MDM4: variants seen among roughly 807,000 people sequenced by gnomAD.
MDM4 encodes MDM4 regulator of p53.
In MDM4, 2 loss-of-function variants were observed where a neutral mutation model predicts 60.2. The observed-to-expected ratio is 0.03, with a 90% CI of 0.01 to 0.10. MDM4 has a LOEUF of 0.10. Ranked by LOEUF, MDM4 falls within the 10% of genes least tolerant of loss-of-function variation. The probability of loss-of-function intolerance (pLI) is 1.00; values close to 1 mark genes in which losing one functional copy is unlikely to be tolerated. For synonymous variants in MDM4, 202 were observed against 198.1 expected (o/e 1.02, Z -0.17); for missense variants, 447 against 577.5 (o/e 0.77, Z 2.32).
intron 2 of MDM4, 70 bp downstream of exon 2, chr1:204,525,666 T>A (rs2102315916): frequency 9.6e-7 from 1 of 1,046,278 alleles, no homozygotes; most frequent in Non-Finnish European, 1.4e-6. Context: ...TTTAGCTGTC[T>A]CATGACTGTA....
At chr1:204,520,548 T>C (rs762141449) in intron 1 of MDM4, among the ~76,000 whole-genome samples, 1 of 152,078 alleles carries the variant, frequency 6.6e-6, no homozygotes, top group East Asian at 1.9e-4. Context: ...TCGTTAAATA[T>C]AGGTTATGAT....
intron 7 of MDM4, among the ~76,000 whole-genome samples, chr1:204,542,129 T>G (rs1413510913): frequency 2.0e-5 from 3 of 152,240 alleles, no homozygotes; most frequent in Admixed American, 2.0e-4. Flanking sequence ...TCTAGATACT[T>G]AACTCTAAGA....
intron 9 of MDM4, 114 bp downstream of exon 9, chr1:204,544,798 C>T (rs1662485135): frequency 1.0e-6 from 1 of 978,234 alleles, no homozygotes; most frequent in Non-Finnish European, 1.4e-6. Context: ...CCCTTTTTAA[C>T]TTTAATTAAT....
chr1:204,517,823 A>G (rs1163091638), intron 1 of MDM4, among the ~76,000 whole-genome samples: 1 of 151,726 alleles, frequency 6.6e-6, no homozygotes, highest in Admixed American at 6.6e-5. Flanking sequence ...ACTGTATCTC[A>G]GTTTAGATTT....
rs1395711740 is a variant in MDM4 at position 204,551,232 on chromosome 1, G to A, written c.*1550G>A. On this transcript the variant is annotated 3_prime_UTR_variant, in exon 11 of 11. Coordinates refer to ENST00000367182, the MANE Select transcript of MDM4 (RefSeq NM_002393.5). ...AGCTGAATTTTGTATTTTTTGTACA[G>A]ACAGCATTTTGCCATGTTGCCCAGG... is the stretch of plus-strand genomic sequence containing the variant. The A allele has an allele frequency of 9.3e-6, 2 of 214,544 alleles. No homozygotes were observed. Among genetic ancestry groups the A allele is most frequent in the Non-Finnish European group, 1.9e-5 (2 of 106,528 alleles). The allele number at this position is 214,544 out of a possible 1,614,324, so 13.3% of individuals were successfully genotyped here. A position where few individuals can be genotyped will look rare whatever the true frequency, so the allele number is the denominator to read the frequency against.
chr1:204,525,237 C>A, intron 1 of MDM4: 1 of 689,190 alleles, frequency 1.5e-6, no homozygotes, highest in Non-Finnish European at 1.8e-6. Flanking sequence ...TGGAGCGTGC[C>A]TGAAACTGTT....
intron 5 of MDM4, among the ~76,000 whole-genome samples, chr1:204,535,393 G>A (rs893069285): frequency 6.6e-6 from 1 of 151,888 alleles, no homozygotes; most frequent in Non-Finnish European, 1.5e-5. Context: ...TCCTGACCTC[G>A]TGATCTGCCC....
rs777631589 is a variant in MDM4 at position 204,526,407 on chromosome 1, G to T, written c.126G>T (p.Ala42=). The T allele has an allele frequency of 1.2e-6, 2 of 1,613,476 alleles. No individual in the cohort carries two copies. The highest frequency in any genetic ancestry group is 1.1e-5 in the South Asian group (1 of 91,050). ...PLLKILHAAG[A]QGEMFTVKEV... is the part of the protein sequence containing the mutation. ...TGAAGATTTTGCATGCAGCAGGTGCGCAAGGTGAAATGTTCACTGTTAAAG... is the reference window on the plus strand; with the variant it reads ...TGAAGATTTTGCATGCAGCAGGTGCTCAAGGTGAAATGTTCACTGTTAAAG... The change falls in exon 3 of 11, where the codon GCG becomes GCT. Residue 42 remains alanine (A), a synonymous_variant. Transcript: ENST00000367182.
At chr1:204,528,629 A>G (rs1430255361) in intron 3 of MDM4, among the ~76,000 whole-genome samples, 2 of 152,104 alleles carry the variant, frequency 1.3e-5, no homozygotes, top group Admixed American at 6.5e-5. Context: ...CCTCTCCTTC[A>G]TCAGGCCCCT....
chr1:204,530,338 T>C (rs1660741265), intron 3 of MDM4, among the ~76,000 whole-genome samples: 1 of 152,248 alleles, frequency 6.6e-6, no homozygotes. Context: ...AATATTTTTA[T>C]AATCCAGGCA....
intron 1 of MDM4, 184 bp from the exon 2 acceptor site, chr1:204,525,294 TAATTAA>T (rs1346872270): frequency 2.0e-6 from 2 of 982,102 alleles, no homozygotes; most frequent in African/African-American, 3.5e-5. Flanking sequence ...TTCTTACTCT[TAATTAA>T]ATCAGAACTA....
intron 9 of MDM4, among the ~76,000 whole-genome samples, 181 bp from the exon 10 acceptor site, chr1:204,546,616 A>G (rs1426736952): frequency 6.6e-6 from 1 of 152,198 alleles, no homozygotes; most frequent in Non-Finnish European, 1.5e-5. Context: ...GCTACTACTG[A>G]AATGCCAACT....
In MDM4 at chr1:204,549,446, C is replaced by A. The variant is rs1298278427; in HGVS notation, c.1237C>A (p.Gln413Lys). Reference protein sequence around the residue: ...SQETISSMGEQLDNLSEQRTD... With the variant: ...SQETISSMGEKLDNLSEQRTD... Reference sequence around the variant, plus strand: ...AGAGACCATCTCAAGCATGGGAGAACAGTTAGATAACCTTTCTGAACAGAG... The same window carrying A: ...AGAGACCATCTCAAGCATGGGAGAAAAGTTAGATAACCTTTCTGAACAGAG... Residue 413 changes from glutamine to lysine, a missense_variant, in exon 11 of 11, where the codon CAG (glutamine) becomes AAG (lysine). By Grantham distance (53) the Gln-to-Lys change is moderately conservative (BLOSUM62 1). Coordinates refer to ENST00000367182, the MANE Select transcript of MDM4 (RefSeq NM_002393.5). 1 of 1,611,952 alleles carries A rather than the reference C, an allele frequency of 6.2e-7. No individual in the cohort carries two copies. Among genetic ancestry groups the A allele is most frequent in the African/African-American group, 1.3e-5 (1 of 74,652 alleles).
intron 1 of MDM4, among the ~76,000 whole-genome samples, chr1:204,521,541 C>G (rs541760596): frequency 6.6e-6 from 1 of 152,258 alleles, no homozygotes; most frequent in Admixed American, 6.5e-5. Context: ...CTGCACCTCC[C>G]TCTCCTTGTA....
chr1:204,526,344 T>C lies in MDM4; in HGVS notation c.79-16T>C, dbSNP rs2102320882. On this transcript the variant is annotated splice_polypyrimidine_tract_variant and intron_variant, in intron 2 of 10. Coordinates refer to ENST00000367182, the MANE Select transcript of MDM4 (RefSeq NM_002393.5). ...CTTGAAATGTAAATAGCACATTTAT[T>C]TTATGTTTATATCAGGTACGACCAA... 6.2e-7 allele frequency: 1 copy of C among 1,605,012 alleles called. No individual in the cohort carries two copies. The highest frequency in any genetic ancestry group is 1.1e-5 in the South Asian group (1 of 90,268).
rs1202467578 is a variant in MDM4 at position 204,556,748 on chromosome 1, C to T, written c.*7066C>T. 9.3e-6 allele frequency: 2 copies of T among 214,252 alleles called. No homozygotes were observed. The highest frequency in any genetic ancestry group is 1.9e-5 in the Non-Finnish European group (2 of 106,256). The allele number at this position is 214,252 out of a possible 1,614,324, so 13.3% of individuals were successfully genotyped here. A position where few individuals can be genotyped will look rare whatever the true frequency, so the allele number is the denominator to read the frequency against. On this transcript the variant is annotated 3_prime_UTR_variant, in exon 11 of 11. Coordinates refer to ENST00000367182, the MANE Select transcript of MDM4 (RefSeq NM_002393.5). ...GAATTATTTTTTTCTCTGTAGTTTG[C>T]CTCATTTTTTCACTTTCTTTTCAAT...
intron 1 of MDM4, among the ~76,000 whole-genome samples, chr1:204,519,165 G>A (rs550056111): frequency 6.2e-4 from 95 of 152,322 alleles, no homozygotes; most frequent in African/African-American, 2.2e-3. Flanking sequence ...AATGTGCTGA[G>A]GGGATAGACC....
intron 3 of MDM4, among the ~76,000 whole-genome samples, chr1:204,528,504 G>A (rs1466798913): frequency 6.6e-6 from 1 of 152,224 alleles, no homozygotes; most frequent in Non-Finnish European, 1.5e-5. Flanking sequence ...ACTGGCATCA[G>A]GGTGGAGCTC....
chr1:204,539,524 T>TG (rs796872125), intron 7 of MDM4, among the ~76,000 whole-genome samples: 20 of 147,906 alleles, frequency 1.4e-4, no homozygotes, highest in African/African-American at 3.9e-4. Flanking sequence ...TTGTTTTTTT[T>TG]TTTTGTTTTG....
Sources: allele counts gnomAD v4.1 joint callset (sites outside exome capture counted in the v4.1 genomes callset), GRCh38; gene constraint gnomAD v4.1.1; transcripts MANE v1.5; gene names NCBI Gene and HGNC (gene_info 2026-07-23, HGNC 2026-07-21).